SUCLG1: variants seen among roughly 807,000 people sequenced by gnomAD.
The protein encoded by SUCLG1 is succinate-CoA ligase GDP/ADP-forming subunit alpha, also known as succinate--CoA ligase [ADP/GDP-forming] subunit alpha, mitochondrial.
In SUCLG1, 26 loss-of-function variants were observed where a neutral mutation model predicts 37.3. That is an observed-to-expected ratio of 0.70 (90% CI 0.51 to 0.97). SUCLG1 has a LOEUF of 0.97. SUCLG1 is among the 50% of genes least tolerant of loss of function. SUCLG1 has a pLI of 0.00. For synonymous variants in SUCLG1, 163 were observed against 155.6 expected, an observed-to-expected ratio of 1.05 and a Z score of -0.36; for missense variants, 433 against 432.9, an observed-to-expected ratio of 1.00 and a Z score of 0.00.
intron 1 of SUCLG1, among the ~76,000 whole-genome samples, chr2:84,450,227 G>A (rs190560427): frequency 1.2e-4 from 18 of 152,128 alleles, no homozygotes; most frequent in South Asian, 2.1e-4. Context: ...AGGAATACAA[G>A]TAAAAATCAC....
At chr2:84,446,996 G>A (rs754792000) in intron 2 of SUCLG1, among the ~76,000 whole-genome samples, 3 of 152,062 alleles carry the variant, frequency 2.0e-5, no homozygotes, top group Non-Finnish European at 2.9e-5. Context: ...ATAAGCTTAT[G>A]TTTCTTAGTT....
At chr2:84,440,141 G>A (rs764045048) in intron 5 of SUCLG1, among the ~76,000 whole-genome samples, 5 of 152,142 alleles carry the variant, frequency 3.3e-5, no homozygotes, top group Non-Finnish European at 5.9e-5. Flanking sequence ...TTGAGAGGCC[G>A]AGGCCAGCAG....
intron 2 of SUCLG1, among the ~76,000 whole-genome samples, chr2:84,445,474 GCCTA>G (rs1451500258): frequency 6.6e-6 from 1 of 151,962 alleles, no homozygotes; most frequent in African/African-American, 2.4e-5. Context: ...ATTGTCAACT[GCCTA>G]CCTGACACCT....
At chr2:84,450,414 A>G (rs1175503901) in intron 1 of SUCLG1, among the ~76,000 whole-genome samples, 68 of 147,636 alleles carry the variant, frequency 4.6e-4, no homozygotes, top group Middle Eastern at 3.6e-3. Flanking sequence ...CTTGTTAGGA[A>G]AAAAAAAAAA....
chr2:84,439,853 T>C (rs986234038), intron 5 of SUCLG1, among the ~76,000 whole-genome samples: 1 of 152,248 alleles, frequency 6.6e-6, no homozygotes, highest in African/African-American at 2.4e-5. Context: ...GCAATTTTCC[T>C]GACAGGCCAT....
chr2:84,449,698 T>A lies in SUCLG1; in HGVS notation c.152A>T (p.Tyr51Phe), dbSNP rs892512758. The change falls in exon 2 of 9, where the codon TAT becomes TTT. Residue 51 changes from tyrosine to phenylalanine, a missense_variant. Transcript: ENST00000393868. Reference protein sequence around the residue: ...CSYTASRQHLYVDKNTKIICQ... With the variant: ...CSYTASRQHLFVDKNTKIICQ... ...AATAATCTTTGTATTTTTATCAACA[T>A]AGAGATGTTGCCGAGAAGCTGTGTA... 6 of 1,590,294 alleles carry A rather than the reference T, an allele frequency of 3.8e-6. No homozygotes were observed. The highest frequency in any genetic ancestry group is 5.1e-6 in the Non-Finnish European group (6 of 1,172,480).
intron 1 of SUCLG1, among the ~76,000 whole-genome samples, chr2:84,455,348 G>A (rs1465233758): frequency 6.6e-6 from 1 of 152,032 alleles, no homozygotes; most frequent in Non-Finnish European, 1.5e-5. Context: ...TACAAAATTA[G>A]CCGGACATGG....
At chr2:84,425,284 A>T (rs958266480) in intron 8 of SUCLG1, 131 bp downstream of exon 8, 1 of 1,017,200 alleles carries the variant, frequency 9.8e-7, no homozygotes, top group African/African-American at 1.6e-5. Context: ...AGTTGATACA[A>T]ACTATTAAGC....
At chr2:84,439,107 G>A (rs113676138) in intron 5 of SUCLG1, among the ~76,000 whole-genome samples, 47 of 151,900 alleles carry the variant, frequency 3.1e-4, no homozygotes, top group African/African-American at 1.1e-3. Context: ...AAGGTCCGCG[G>A]CTTCATTGAA....
intron 1 of SUCLG1, among the ~76,000 whole-genome samples, chr2:84,453,540 G>A (rs926751916): frequency 6.6e-6 from 1 of 151,890 alleles, no homozygotes; most frequent in Non-Finnish European, 1.5e-5. Context: ...TCAGCCTCCT[G>A]AGTATCTGGG....
intron 5 of SUCLG1, among the ~76,000 whole-genome samples, chr2:84,437,442 T>C (rs1276150268): frequency 6.6e-6 from 1 of 152,118 alleles, no homozygotes; most frequent in Admixed American, 6.5e-5. Flanking sequence ...AAAAAGATAA[T>C]CAATATCATT....
Position 84,441,467 on chromosome 2 carries a change from AT to A in SUCLG1, c.319-9del, listed in dbSNP as rs766170736. ...TCCTGTCTGTTCTTTGGCCTGAAAC[AT>A]TAACGACGAAGCACCTTATTATTTG... On this transcript the variant is annotated splice_polypyrimidine_tract_variant and intron_variant, in intron 3 of 8. Coordinates refer to ENST00000393868, the MANE Select transcript of SUCLG1 (RefSeq NM_003849.4). 1 of 1,613,700 alleles carries A rather than the reference AT, an allele frequency of 6.2e-7. No homozygotes were observed. The highest frequency in any genetic ancestry group is 8.5e-7 in the Non-Finnish European group (1 of 1,179,778).
At chr2:84,430,658 T>C (rs796573114) in intron 7 of SUCLG1, among the ~76,000 whole-genome samples, 6 of 152,346 alleles carry the variant, frequency 3.9e-5, no homozygotes, top group African/African-American at 1.4e-4. Flanking sequence ...TTTAATTCAT[T>C]CACTGGTGGA....
At position 84,441,445 on chromosome 2, in the gene SUCLG1, T is replaced by C; in HGVS notation, c.333A>G (p.Thr111=). The C allele has an allele frequency of 6.2e-7, 1 of 1,614,152 alleles. No individual in the cohort carries two copies. The highest frequency in any genetic ancestry group is 2.2e-5 in the East Asian group (1 of 44,892). Residue 111 remains threonine, a synonymous_variant, in exon 4 of 9, where the codon ACA becomes ACG. Coordinates refer to ENST00000393868, the MANE Select transcript of SUCLG1 (RefSeq NM_003849.4). ...CATAAATGACAGAAGCCGTTGCTCC[T>C]GTCTGTTCTTTGGCCTGAAACATTA... ...FNTVKEAKEQ[T]GATASVIYVP...
At position 84,431,635 on chromosome 2, in the gene SUCLG1, C is replaced by T. The variant is rs758417336; in HGVS notation, c.698G>A (p.Gly233Glu). ...CVGIGGDPFNGTDFIDCLEIF... is the reference protein window; with the variant it reads ...CVGIGGDPFNETDFIDCLEIF... The stretch of plus-strand genomic sequence containing the variant: ...TTCGAGGCAGTCAATAAAATCTGTT[C>T]CATTAAAAGGATCACCTCCAATGCC... The change falls in exon 7 of 9, where the codon GGA becomes GAA. Residue 233 changes from glycine (G) to glutamate (E), a missense_variant. Coordinates refer to ENST00000393868, the MANE Select transcript of SUCLG1 (RefSeq NM_003849.4). 2 of 1,613,880 alleles carry T rather than the reference C, an allele frequency of 1.2e-6. No homozygotes were observed. The highest frequency in any genetic ancestry group is 1.1e-5 in the South Asian group (1 of 91,070).
chr2:84,455,574 G>A (rs867819689), intron 1 of SUCLG1, among the ~76,000 whole-genome samples: 6 of 151,226 alleles, frequency 4.0e-5, no homozygotes, highest in South Asian at 2.1e-4. Context: ...GGTCTATCAC[G>A]CCTGTAATCC....
chr2:84,430,493 T>C (rs1558608514), intron 7 of SUCLG1, among the ~76,000 whole-genome samples: 2 of 152,148 alleles, frequency 1.3e-5, no homozygotes, highest in Non-Finnish European at 1.5e-5. Context: ...ATATGGGAGT[T>C]AGGGCTTAAA....
intron 1 of SUCLG1, among the ~76,000 whole-genome samples, chr2:84,455,458 C>T (rs1405425775): frequency 6.6e-6 from 1 of 150,766 alleles, no homozygotes; most frequent in Non-Finnish European, 1.5e-5. Flanking sequence ...TGTGCCATTG[C>T]ACTCCAGCCT....
At chr2:84,438,931 G>C (rs1445245739) in intron 5 of SUCLG1, among the ~76,000 whole-genome samples, 1 of 152,142 alleles carries the variant, frequency 6.6e-6, no homozygotes, top group South Asian at 2.1e-4. Flanking sequence ...ACACGGGCAG[G>C]GGACAAATAA....
Sources: allele counts gnomAD v4.1 joint callset (sites outside exome capture counted in the v4.1 genomes callset), GRCh38; gene constraint gnomAD v4.1.1; transcripts MANE v1.5; gene names NCBI Gene and HGNC (gene_info 2026-07-23, HGNC 2026-07-21).